The following DAAM1 variants were observed in gnomAD, a reference collection of about 807,000 sequenced individuals.
DAAM1 encodes dishevelled associated activator of morphogenesis 1.
Under a neutral mutation model 130.0 loss-of-function variants are expected in DAAM1, and 52 were observed. The ratio of observed to expected loss-of-function variants is 0.40; its 90% CI spans 0.32 to 0.50. The LOEUF is 0.50. DAAM1 is among the 20% of genes least tolerant of loss of function. The pLI is 0.61. For synonymous variants in DAAM1, 452 were observed against 444.5 expected (o/e 1.02, Z -0.21); for missense variants, 1,134 against 1,303.8 (o/e 0.87, Z 2.01).
At chr14:59,350,726 C>T (rs549640706) in intron 17 of DAAM1, among the ~76,000 whole-genome samples, 1 of 152,272 alleles carries the variant, frequency 6.6e-6, no homozygotes, top group African/African-American at 2.4e-5. Flanking sequence ...TGGCTGCATG[C>T]TGAAATGCTG....
At chr14:59,223,586 A>C (rs752259084) in intron 1 of DAAM1, among the ~76,000 whole-genome samples, 40 of 152,212 alleles carry the variant, frequency 2.6e-4, no homozygotes, top group Non-Finnish European at 5.3e-4. Context: ...AGCAACTTGC[A>C]CGGAAGCCTG....
chr14:59,307,806 A>G (rs1166764031), intron 3 of DAAM1, among the ~76,000 whole-genome samples: 2 of 152,194 alleles, frequency 1.3e-5, no homozygotes, highest in Non-Finnish European at 2.9e-5. Flanking sequence ...ACAATGCTCT[A>G]AAGGGACTTA....
Position 59,352,645 on chromosome 14 carries a change from A to G in DAAM1, c.2267+13A>G, listed in dbSNP as rs1283576799. On this transcript the variant is annotated intron_variant, in intron 18 of 24. Coordinates refer to ENST00000360909, the MANE Select transcript of DAAM1 (RefSeq NM_001270520.2). ...TTGAGATGAGCCGGTGAGTTTGAAA[A>G]TGCTGGGAATGTGAAGATGTCACTT... 6.2e-7 allele frequency: 1 copy of G among 1,603,746 alleles called. No homozygotes were observed. Among genetic ancestry groups the G allele is most frequent in the South Asian group, 1.1e-5 (1 of 89,242 alleles).
intron 2 of DAAM1, among the ~76,000 whole-genome samples, chr14:59,277,537 T>C (rs1883024947): frequency 6.6e-6 from 1 of 150,974 alleles, no homozygotes; most frequent in Non-Finnish European, 1.5e-5. Flanking sequence ...TATATAAAAG[T>C]ATAATTAATA....
intron 16 of DAAM1, among the ~76,000 whole-genome samples, chr14:59,341,726 T>G (rs1885856871): frequency 6.6e-6 from 1 of 152,228 alleles, no homozygotes; most frequent in African/African-American, 2.4e-5. Flanking sequence ...CAATTTGTTT[T>G]GTTACCTTTT....
rs556126729 is a variant in DAAM1 at position 59,362,804 on chromosome 14, A to C, written c.2695-847A>C. 22 of 152,252 alleles carry C rather than the reference A, an allele frequency of 1.4e-4. 1 individual carries two copies. Among genetic ancestry groups the C allele is most frequent in the Admixed American group, 1.1e-3 (17 of 15,294 alleles). 9.4% of individuals were successfully genotyped at this position (152,252 alleles called of 1,614,324 possible). On this transcript the variant is annotated intron_variant, in intron 22 of 24. Coordinates refer to ENST00000360909, the MANE Select transcript of DAAM1 (RefSeq NM_001270520.2). Reference sequence around the variant, plus strand: ...AATAAGGGAGAATCCAGTTTAAGTCAATTGGTATACAACATAGTTATTACC... The same window carrying C: ...AATAAGGGAGAATCCAGTTTAAGTCCATTGGTATACAACATAGTTATTACC...
rs1056946533 is a variant in DAAM1 at position 59,340,256 on chromosome 14, AT to A, written c.2075+80del. The A allele has an allele frequency of 3.5e-6, 5 of 1,412,048 alleles. No homozygotes were observed. In the African/African-American group the frequency reaches 7.1e-5, roughly 20 times the overall value. 87.5% of individuals were successfully genotyped at this position (1,412,048 alleles called of 1,614,324 possible). A position where few individuals can be genotyped will look rare whatever the true frequency, so the allele number is the denominator to read the frequency against. ...TGTGGCTCAAAACCACATGTTAGTG[AT>A]TTTGTTTTAATTGTACTCTGCTGAG... is the stretch of plus-strand genomic sequence containing the variant. On this transcript the variant is annotated intron_variant, in intron 16 of 24. Coordinates refer to ENST00000360909, the MANE Select transcript of DAAM1 (RefSeq NM_001270520.2).
chr14:59,332,011 C>T lies in DAAM1; in HGVS notation c.1968+91C>T, dbSNP rs1046585461. 8.2e-6 allele frequency: 9 copies of T among 1,093,754 alleles called. No individual in the cohort carries two copies. The South Asian group carries it at 8.6e-5, about 10-fold the overall frequency. 67.8% of individuals were successfully genotyped at this position (1,093,754 alleles called of 1,614,324 possible). On this transcript the variant is annotated intron_variant, in intron 15 of 24. Transcript: ENST00000360909. ...CCCATCAGCCATGGCCGTGATGTGA[C>T]CGGCATATGAATTCTAGGCTGTTGG...
chr14:59,223,666 A>T (rs987014785), intron 1 of DAAM1, among the ~76,000 whole-genome samples: 1 of 152,222 alleles, frequency 6.6e-6, no homozygotes, highest in Admixed American at 6.5e-5. Context: ...TCACTCAGTA[A>T]GTGGGCTAGA....
chr14:59,208,284 A>G (rs1888325087), intron 1 of DAAM1, among the ~76,000 whole-genome samples: 1 of 152,218 alleles, frequency 6.6e-6, no homozygotes, highest in Non-Finnish European at 1.5e-5. Flanking sequence ...ATTCCTGGCC[A>G]TGATGGAATG....
At position 59,217,744 on chromosome 14, in the gene DAAM1, G is replaced by A. The variant is rs553340058; in HGVS notation, c.-38+28976G>A. 2.1e-3 allele frequency among the ~76,000 whole-genome samples: 316 copies of A among 152,066 alleles called. 1 individual carries two copies. Among genetic ancestry groups the A allele is most frequent in the African/African-American group, 7.1e-3 (296 of 41,454 alleles). On this transcript the variant is annotated intron_variant, in intron 1 of 24. Transcript: ENST00000360909. ...TCCCAGCACTTTGAGAGGCCAAGGCGGGCGGATCACAAGGTCAGGAGTTTG... is the reference window on the plus strand; with the variant it reads ...TCCCAGCACTTTGAGAGGCCAAGGCAGGCGGATCACAAGGTCAGGAGTTTG...
At chr14:59,328,474 T>C (rs1371363351) in intron 12 of DAAM1, among the ~76,000 whole-genome samples, 1 of 152,150 alleles carries the variant, frequency 6.6e-6, no homozygotes, top group Non-Finnish European at 1.5e-5. Flanking sequence ...AGCTTTCGAG[T>C]CATTCATTCA....
intron 15 of DAAM1, among the ~76,000 whole-genome samples, chr14:59,334,495 A>C (rs974222893): frequency 2.6e-5 from 4 of 152,124 alleles, no homozygotes; most frequent in African/African-American, 7.2e-5. Flanking sequence ...GACTTCAGCC[A>C]GTTGTTTGGC....
intron 1 of DAAM1, among the ~76,000 whole-genome samples, chr14:59,206,873 A>G (rs558747594): frequency 6.6e-6 from 1 of 152,340 alleles, no homozygotes; most frequent in South Asian, 2.1e-4. Flanking sequence ...AGTAAAACTT[A>G]TTTATCATAG....
chr14:59,207,385 C>A (rs957549357), intron 1 of DAAM1, among the ~76,000 whole-genome samples: 2 of 152,158 alleles, frequency 1.3e-5, no homozygotes, highest in African/African-American at 4.8e-5. Context: ...TCTAGTCCAA[C>A]AGGTTCTCAA....
chr14:59,334,086 G>C (rs1478869065), intron 15 of DAAM1, among the ~76,000 whole-genome samples: 2 of 152,154 alleles, frequency 1.3e-5, no homozygotes, highest in East Asian at 1.9e-4. Context: ...CAGCATACCT[G>C]ATCAGCTTGA....
At chr14:59,311,591 T>G (rs540885503) in intron 3 of DAAM1, among the ~76,000 whole-genome samples, 51 of 151,942 alleles carry the variant, frequency 3.4e-4, no homozygotes, top group African/African-American at 1.1e-3. Context: ...CCTTCTGTTA[T>G]CCAGAGGTAG....
chr14:59,270,688 G>A (rs902522118), intron 2 of DAAM1, among the ~76,000 whole-genome samples: 1 of 152,116 alleles, frequency 6.6e-6, no homozygotes, highest in Non-Finnish European at 1.5e-5. Context: ...AAATAGAAAA[G>A]GACAAAGAGA....
intron 1 of DAAM1, among the ~76,000 whole-genome samples, chr14:59,205,209 G>A (rs893195196): frequency 6.6e-6 from 1 of 152,116 alleles, no homozygotes; most frequent in African/African-American, 2.4e-5. Context: ...AATAATTGAT[G>A]TCTTATACTA....
Sources: allele counts gnomAD v4.1 joint callset (sites outside exome capture counted in the v4.1 genomes callset), GRCh38; gene constraint gnomAD v4.1.1; transcripts MANE v1.5; gene names NCBI Gene and HGNC (gene_info 2026-07-23, HGNC 2026-07-21).